The following ATF6B variants were observed in gnomAD, a reference collection of about 807,000 sequenced individuals.
The protein encoded by ATF6B is cyclic AMP-dependent transcription factor ATF-6 beta.
A neutral mutation model predicts 83.5 loss-of-function variants in ATF6B; 50 were observed. The observed-to-expected ratio is 0.60, with a 90% CI of 0.48 to 0.76. ATF6B has a LOEUF of 0.76. Among genes scored for constraint, ATF6B ranks in the 30% least tolerant of loss-of-function variants. The probability of loss-of-function intolerance (pLI) is 0.00; values close to 1 mark genes in which losing one functional copy is unlikely to be tolerated. For missense variants in ATF6B, 790 were observed against 893.8 expected (o/e 0.88, Z 1.48); for synonymous variants, 344 against 362.8 (o/e 0.95, Z 0.59).
At position 32,121,284 on chromosome 6, in the gene ATF6B, G is replaced by A; in HGVS notation, c.543C>T (p.Leu181=). ...TCACCTGGCTGGAGGAGTCGGCTGA[G>A]AGCAGGGAGGCCTCAGAGTTGACGG... ...CSSVNSEASL[L]SADSSSQAFI... is the part of the protein sequence containing the mutation. Residue 181 remains leucine, a synonymous_variant, in exon 6 of 18, where the codon CTC becomes CTT. Transcript: ENST00000375203. The A allele has an allele frequency of 6.2e-7, 1 of 1,614,106 alleles. No homozygotes were observed. The highest frequency in any genetic ancestry group is 8.5e-7 in the Non-Finnish European group (1 of 1,180,018).
Position 32,119,119 on chromosome 6 carries a change from T to C in ATF6B, c.989A>G (p.Gln330Arg). 1 of 1,611,814 alleles carries C rather than the reference T, an allele frequency of 6.2e-7. No individual in the cohort carries two copies. The stretch of plus-strand genomic sequence containing the variant: ...TGACTCCCGGTTCTTGATCATTCGC[T>C]GCTGCCGCTTCAGCAGCTTTGCCTA... Reference protein sequence around the residue: ...EVDAKLLKRQQRMIKNRESAC... With the variant: ...EVDAKLLKRQRRMIKNRESAC... Residue 330 changes from glutamine to arginine, a missense_variant, in exon 10 of 18, where the codon CAG (glutamine) becomes CGG (arginine). Gln to Arg is a conservative substitution (Grantham distance 43). This residue lies in a region of ATF6B where 530 missense variants were observed against 632.6 expected (regional missense o/e 0.84). Coordinates refer to ENST00000375203, the MANE Select transcript of ATF6B (RefSeq NM_004381.5). The surrounding 1 kb of genome is among the most constrained non-coding windows in gnomAD (Gnocchi z 4.9).
intron 4 of ATF6B, among the ~76,000 whole-genome samples, chr6:32,126,457 C>G (rs999463907): frequency 6.6e-6 from 1 of 152,236 alleles, no homozygotes; most frequent in African/African-American, 2.4e-5. Flanking sequence ...GATGAAGTCT[C>G]ATGACTTCAA....
In ATF6B at chr6:32,121,258, C is replaced by T. The variant is rs147484226; in HGVS notation, c.564+5G>A. Reference sequence around the variant, plus strand: ...CCTGGAGGAAGGAAGGAAGGTGGTGCTCACCTGGCTGGAGGAGTCGGCTGA... The same window carrying T: ...CCTGGAGGAAGGAAGGAAGGTGGTGTTCACCTGGCTGGAGGAGTCGGCTGA... On this transcript the variant is annotated splice_donor_5th_base_variant and intron_variant, in intron 6 of 17. Transcript: ENST00000375203. The T allele has an allele frequency of 2.3e-4, 367 of 1,613,814 alleles. 2 individuals carry two copies. In the East Asian group the frequency reaches 8.0e-3, roughly 35 times the overall value.
chr6:32,120,934 T>C (rs746853720), intron 7 of ATF6B, 32 bp from the exon 8 acceptor site: 4 of 1,523,216 alleles, frequency 2.6e-6, no homozygotes, highest in Non-Finnish European at 2.6e-6. Context: ...GAACAAGAAA[T>C]GTCAGGACCA....
At position 32,118,404 on chromosome 6, in the gene ATF6B, G is replaced by A. The variant is rs1781617135; in HGVS notation, c.1245-366C>T. Among the ~76,000 whole-genome samples the A allele has an allele frequency of 6.6e-6, 1 of 152,144 alleles. No homozygotes were observed. Among genetic ancestry groups the A allele is most frequent in the Non-Finnish European group, 1.5e-5 (1 of 68,024 alleles). ...GCTCAGGAGTTCGAGACCAGCCTGG[G>A]CAACAACAGTGAAACCCTGTCTCTA... On this transcript the variant is annotated intron_variant, in intron 11 of 17. Transcript: ENST00000375203. This position sits in a 1 kb window ranked among gnomAD's most constrained non-coding sequence, Gnocchi z 5.2.
At chr6:32,121,703 A>T (rs1781775103) in intron 5 of ATF6B, among the ~76,000 whole-genome samples, 1 of 152,160 alleles carries the variant, frequency 6.6e-6, no homozygotes, top group African/African-American at 2.4e-5. Context: ...CTCCATCTCA[A>T]AAAAATAAAA....
In ATF6B at chr6:32,125,871, G is replaced by A. The variant is rs574560525; in HGVS notation, c.478+246C>T. On this transcript the variant is annotated intron_variant, in intron 5 of 17. Coordinates refer to ENST00000375203, the MANE Select transcript of ATF6B (RefSeq NM_004381.5). The surrounding 1 kb of genome is among the most constrained non-coding windows in gnomAD (Gnocchi z 4.1). ...AAAAAGTAAGTTGAATGGCATGACAGAATACTAGGAACAAGAAAAAGAGAG... is the reference window on the plus strand; with the variant it reads ...AAAAAGTAAGTTGAATGGCATGACAAAATACTAGGAACAAGAAAAAGAGAG... Among the ~76,000 whole-genome samples the A allele has an allele frequency of 6.6e-6, 1 of 152,286 alleles. No individual in the cohort carries two copies. The highest frequency in any genetic ancestry group is 2.4e-5 in the African/African-American group (1 of 41,548).
chr6:32,116,520 C>A lies in ATF6B; in HGVS notation c.1842G>T (p.Arg614=). The A allele has an allele frequency of 1.2e-6, 2 of 1,605,320 alleles. No individual in the cohort carries two copies. The highest frequency in any genetic ancestry group is 1.3e-5 in the African/African-American group (1 of 74,944). The change falls in exon 17 of 18, where the codon CGG becomes CGT. Residue 614 remains arginine, a synonymous_variant. Coordinates refer to ENST00000375203, the MANE Select transcript of ATF6B (RefSeq NM_004381.5). The surrounding 1 kb of genome is among the most constrained non-coding windows in gnomAD (Gnocchi z 5.1). ...LPAISHNKTS[R]PKMSLVMPAM... ...CAGGCATCACCAGGGACATCTTGGG[C>A]CGGGAGGTCTTGTTGTGGCTGATGG...
chr6:32,127,244 T>C, intron 3 of ATF6B, 50 bp from the exon 4 acceptor site: 2 of 1,520,672 alleles, frequency 1.3e-6, no homozygotes, highest in South Asian at 1.2e-5. Flanking sequence ...TTAAGAAGAG[T>C]CCAAAAAGTA....
In ATF6B at chr6:32,117,686, G is replaced by A. The variant is rs1781586161; in HGVS notation, c.1433C>T (p.Thr478Ile). 1.9e-6 allele frequency: 3 copies of A among 1,614,046 alleles called. No homozygotes were observed. Among genetic ancestry groups the A allele is most frequent in the Admixed American group, 3.3e-5 (2 of 59,994 alleles). ...PTDQPSFSNL[T>I]AFPGGAKELL... ...CTCCTTGGCGCCCCCAGGGAAGGCT[G>A]TCAGGTTGCTGGAGTGAAGCAGGAA... The change falls in exon 13 of 18, where the codon ACA becomes ATA. Residue 478 changes from threonine (T) to isoleucine (I), a missense_variant. Around this residue, in one of 3 missense-constraint regions of ATF6B, gnomAD observed 530 missense variants for 632.6 expected, o/e 0.84. Coordinates refer to ENST00000375203, the MANE Select transcript of ATF6B (RefSeq NM_004381.5). The surrounding 1 kb of genome is among the most constrained non-coding windows in gnomAD (Gnocchi z 5.0).
chr6:32,116,677 A>G lies in ATF6B; in HGVS notation c.1797+27T>C, dbSNP rs1562901878. ...CAGACTGCTGGGAACCTGGGGTGAC[A>G]GAGATGGAAGGGCAGGAGAAACTCA... On this transcript the variant is annotated intron_variant, in intron 16 of 17. Transcript: ENST00000375203. This position sits in a 1 kb window ranked among gnomAD's most constrained non-coding sequence, Gnocchi z 5.1. 3 of 1,610,530 alleles carry G rather than the reference A, an allele frequency of 1.9e-6. No homozygotes were observed. Among genetic ancestry groups the G allele is most frequent in the Non-Finnish European group, 2.5e-6 (3 of 1,176,744 alleles).
chr6:32,122,285 C>T (rs1781794299), intron 5 of ATF6B, among the ~76,000 whole-genome samples: 1 of 152,136 alleles, frequency 6.6e-6, no homozygotes, highest in Non-Finnish European at 1.5e-5. Context: ...CACCTCTGAG[C>T]CTCCATGGCC....
In ATF6B at chr6:32,125,080, G is replaced by A. The variant is rs548201518; in HGVS notation, c.478+1037C>T. ...CCTGACCTCGTGATCCGCCCACCTC[G>A]GCCTCCCAAAGTGCTGGGATTACAA... On this transcript the variant is annotated intron_variant, in intron 5 of 17. Transcript: ENST00000375203. The surrounding 1 kb of genome is among the most constrained non-coding windows in gnomAD (Gnocchi z 4.1). Among the ~76,000 whole-genome samples the A allele has an allele frequency of 6.1e-4, 92 of 152,034 alleles. No individual in the cohort carries two copies. In the East Asian group the frequency reaches 0.016, roughly 26 times the overall value.
chr6:32,117,263 A>C lies in ATF6B; in HGVS notation c.1614+60T>G. 1 of 1,580,534 alleles carries C rather than the reference A, an allele frequency of 6.3e-7. No homozygotes were observed. The highest frequency in any genetic ancestry group is 8.6e-7 in the Non-Finnish European group (1 of 1,157,194). Reference sequence around the variant, plus strand: ...AGCGAGATGCCCACTAGAAATCCCCAGACAAGGCCTTTAGCCCTTGTCTTC... The same window carrying C: ...AGCGAGATGCCCACTAGAAATCCCCCGACAAGGCCTTTAGCCCTTGTCTTC... On this transcript the variant is annotated intron_variant, in intron 14 of 17. Transcript: ENST00000375203. The surrounding 1 kb of genome is among the most constrained non-coding windows in gnomAD (Gnocchi z 5.0).
chr6:32,115,665 G>A lies in ATF6B; in HGVS notation c.*74C>T. ...CAATTGCCCCAAGCCTGGGGATCAGGGAAATTTGAAACAGTCCCACCTGGC... is the reference window on the plus strand; with the variant it reads ...CAATTGCCCCAAGCCTGGGGATCAGAGAAATTTGAAACAGTCCCACCTGGC... On this transcript the variant is annotated 3_prime_UTR_variant, in exon 18 of 18. Coordinates refer to ENST00000375203, the MANE Select transcript of ATF6B (RefSeq NM_004381.5). 7.5e-7 allele frequency: 1 copy of A among 1,339,082 alleles called. No homozygotes were observed. The highest frequency in any genetic ancestry group is 1.0e-6 in the Non-Finnish European group (1 of 972,780). 83.0% of individuals were successfully genotyped at this position (1,339,082 alleles called of 1,614,324 possible).
chr6:32,124,440 G>C (rs1781885362), intron 5 of ATF6B, among the ~76,000 whole-genome samples: 1 of 152,154 alleles, frequency 6.6e-6, no homozygotes. Context: ...TATCTTACTT[G>C]ATCAACTGCA....
chr6:32,116,980 T>A lies in ATF6B; in HGVS notation c.1685+57A>T. On this transcript the variant is annotated intron_variant, in intron 15 of 17. Coordinates refer to ENST00000375203, the MANE Select transcript of ATF6B (RefSeq NM_004381.5). This position sits in a 1 kb window ranked among gnomAD's most constrained non-coding sequence, Gnocchi z 5.1. ...ACAGGCACAGGACAGCTACTGGGGG[T>A]ACAGCTCTTGAAAGTGGAATTTCAC... 6.3e-7 allele frequency: 1 copy of A among 1,580,952 alleles called. No individual in the cohort carries two copies. Among genetic ancestry groups the A allele is most frequent in the Admixed American group, 1.7e-5 (1 of 59,708 alleles).
chr6:32,127,851 C>G, intron 1 of ATF6B, 101 bp from the exon 2 acceptor site: 1 of 1,314,744 alleles, frequency 7.6e-7, no homozygotes, highest in East Asian at 2.3e-5. Context: ...CTCGGCCAGA[C>G]CCACCGCCCG....
chr6:32,115,544 TGA>T lies in ATF6B; in HGVS notation c.*193_*194del. Reference sequence around the variant, plus strand: ...AGCCAGGACTGGGGGTTCACAGGAATGAGAGGAGCCCTATATTCTGAAAAGGG... The same window carrying T: ...AGCCAGGACTGGGGGTTCACAGGAATGAGGAGCCCTATATTCTGAAAAGGG... On this transcript the variant is annotated 3_prime_UTR_variant, in exon 18 of 18. Transcript: ENST00000375203. 1 of 485,902 alleles carries T rather than the reference TGA, an allele frequency of 2.1e-6. No homozygotes were observed. Among genetic ancestry groups the T allele is most frequent in the Non-Finnish European group, 3.6e-6 (1 of 279,300 alleles). The allele number at this position is 485,902 out of a possible 1,614,324, so 30.1% of individuals were successfully genotyped here. A position where few individuals can be genotyped will look rare whatever the true frequency, so the allele number is the denominator to read the frequency against.
Sources: allele counts gnomAD v4.1 joint callset (sites outside exome capture counted in the v4.1 genomes callset), GRCh38; gene constraint gnomAD v4.1.1; regional missense constraint gnomAD v4.1.1; non-coding constraint Gnocchi (gnomAD v3.1); transcripts MANE v1.5; gene names NCBI Gene and HGNC (gene_info 2026-07-23, HGNC 2026-07-21).